DTNB: variants seen among roughly 807,000 people sequenced by gnomAD.
DTNB encodes the protein dystrobrevin beta, also known as DTN-B.
Under a neutral mutation model 90.7 loss-of-function variants are expected in DTNB, and 63 were observed. The observed-to-expected ratio is 0.69, with a 90% CI of 0.57 to 0.86. DTNB has a LOEUF of 0.86. Ranked by LOEUF, DTNB falls within the 40% of genes least tolerant of loss-of-function variation. DTNB has a pLI of 0.00. For missense variants in DTNB, 744 were observed against 807.1 expected, an observed-to-expected ratio of 0.92 and a Z score of 0.95; for synonymous variants, 277 against 286.7, an observed-to-expected ratio of 0.97 and a Z score of 0.34.
At chr2:25,494,953 A>G (rs970599719) in intron 9 of DTNB, among the ~76,000 whole-genome samples, 3 of 152,188 alleles carry the variant, frequency 2.0e-5, no homozygotes, top group African/African-American at 7.2e-5. Flanking sequence ...CAACAAAAAA[A>G]TGTTCACTTA....
At chr2:25,547,025 T>C (rs1303367565) in intron 8 of DTNB, among the ~76,000 whole-genome samples, 1 of 152,100 alleles carries the variant, frequency 6.6e-6, no homozygotes, top group African/African-American at 2.4e-5. Flanking sequence ...TCTTTTGTTG[T>C]TGTTGTAGAG....
At chr2:25,567,924 G>C (rs1189678116) in intron 8 of DTNB, among the ~76,000 whole-genome samples, 1 of 152,220 alleles carries the variant, frequency 6.6e-6, no homozygotes, top group Non-Finnish European at 1.5e-5. Context: ...ACTTTGGGAG[G>C]CCACGGTGGG....
intron 8 of DTNB, among the ~76,000 whole-genome samples, chr2:25,568,616 GT>G (rs1284943465): frequency 2.0e-5 from 3 of 152,254 alleles, no homozygotes; most frequent in African/African-American, 7.2e-5. Context: ...GTATAATTTA[GT>G]AGGAAAACAT....
At chr2:25,418,074 T>G (rs2048400804) in intron 16 of DTNB, among the ~76,000 whole-genome samples, 1 of 152,164 alleles carries the variant, frequency 6.6e-6, no homozygotes, top group African/African-American at 2.4e-5. Context: ...TACCTACTGA[T>G]GCAGAAACGC....
chr2:25,619,275 C>T (rs1482050966), intron 4 of DTNB, among the ~76,000 whole-genome samples: 1 of 152,204 alleles, frequency 6.6e-6, no homozygotes, highest in East Asian at 1.9e-4. Flanking sequence ...TTCAGAAACA[C>T]TATTACCAGT....
At chr2:25,459,995 AG>A (rs1395358902) in intron 10 of DTNB, among the ~76,000 whole-genome samples, 1 of 152,150 alleles carries the variant, frequency 6.6e-6, no homozygotes, top group Non-Finnish European at 1.5e-5. Flanking sequence ...GCTAGAGAAC[AG>A]GGGAAGATGC....
chr2:25,436,647 A>T (rs1033585139), intron 12 of DTNB, among the ~76,000 whole-genome samples: 1 of 152,152 alleles, frequency 6.6e-6, no homozygotes, highest in Non-Finnish European at 1.5e-5. Context: ...AGAAAAAAAA[A>T]ACCAAGATGA....
intron 10 of DTNB, among the ~76,000 whole-genome samples, chr2:25,474,945 TAATC>T (rs1482512349): frequency 6.6e-6 from 1 of 152,240 alleles, no homozygotes; most frequent in Admixed American, 6.5e-5. Flanking sequence ...ATAGCCAACT[TAATC>T]AATCAATATG....
intron 1 of DTNB, among the ~76,000 whole-genome samples, chr2:25,671,471 C>A (rs1162413998): frequency 6.6e-6 from 1 of 152,244 alleles, no homozygotes. Context: ...GCTGGCTGTA[C>A]AGCCCTGAAA....
chr2:25,589,362 CTTTTCTTT>C (rs2063071850), intron 6 of DTNB, among the ~76,000 whole-genome samples: 1 of 61,514 alleles, frequency 1.6e-5, no homozygotes, highest in African/African-American at 7.1e-5. Flanking sequence ...GTTTCTTTTT[CTTTTCTTT>C]TTTTTTTTTT....
chr2:25,455,842 AAG>A (rs1170598628), intron 10 of DTNB, among the ~76,000 whole-genome samples: 2 of 152,264 alleles, frequency 1.3e-5, no homozygotes, highest in Non-Finnish European at 2.9e-5. Flanking sequence ...GCCTTCTGGC[AAG>A]ACAACTGAGG....
At chr2:25,550,410 A>G (rs542416193) in intron 8 of DTNB, among the ~76,000 whole-genome samples, 1 of 152,014 alleles carries the variant, frequency 6.6e-6, no homozygotes, top group African/African-American at 2.4e-5. Context: ...AACAAAAACA[A>G]AACAAACAAA....
intron 10 of DTNB, among the ~76,000 whole-genome samples, chr2:25,462,651 T>C (rs1453685152): frequency 6.6e-6 from 1 of 152,200 alleles, no homozygotes; most frequent in African/African-American, 2.4e-5. Context: ...AGCAACAAGG[T>C]ACTTGTGACC....
At chr2:25,426,307 G>A (rs13025966) in intron 15 of DTNB, among the ~76,000 whole-genome samples, 29,674 of 152,168 alleles carry the variant, frequency 0.2, 3,608 homozygotes, top group Non-Finnish European at 0.27. Context: ...TCACCAACAT[G>A]AGCAGCATCA....
chr2:25,483,931 G>C (rs767846842), intron 9 of DTNB, among the ~76,000 whole-genome samples: 1 of 152,158 alleles, frequency 6.6e-6, no homozygotes, highest in Non-Finnish European at 1.5e-5. Flanking sequence ...TCTATGTTTA[G>C]ATACATAAAT....
intron 10 of DTNB, among the ~76,000 whole-genome samples, chr2:25,480,888 C>T (rs12988585): frequency 1.0e-3 from 159 of 152,200 alleles, no homozygotes; most frequent in Admixed American, 1.7e-3. Context: ...CAAGGGTTAT[C>T]GTAATATCTA....
chr2:25,494,090 G>A (rs1017743123), intron 9 of DTNB, among the ~76,000 whole-genome samples: 2 of 152,184 alleles, frequency 1.3e-5, no homozygotes, highest in South Asian at 4.1e-4. Flanking sequence ...GTTGTGGGGG[G>A]AAGACAGTGC....
At chr2:25,538,146 G>A (rs2080261979) in intron 8 of DTNB, among the ~76,000 whole-genome samples, 1 of 152,062 alleles carries the variant, frequency 6.6e-6, no homozygotes, top group African/African-American at 2.4e-5. Flanking sequence ...ACTTTGGGAG[G>A]TCAAGGTGGG....
At chr2:25,464,260 T>C (rs191775520) in intron 10 of DTNB, among the ~76,000 whole-genome samples, 152 of 152,160 alleles carry the variant, frequency 1.0e-3, no homozygotes, top group African/African-American at 3.5e-3. Context: ...CAGGGCTCCC[T>C]AGGAAAATGC....
Sources: gnomAD v4.1 joint callset for allele counts (sites outside exome capture counted in the v4.1 genomes callset) on GRCh38, gnomAD v4.1.1 for gene constraint, MANE v1.5 for transcripts, NCBI Gene and HGNC (gene_info 2026-07-23, HGNC 2026-07-21) for gene names.